Variants in AFAP1 observed in about 807,000 individuals in gnomAD.
The protein encoded by AFAP1 is actin filament associated protein 1.
Under a neutral mutation model 93.9 loss-of-function variants are expected in AFAP1, and 75 were observed. The observed-to-expected ratio is 0.80, with a 90% CI of 0.66 to 0.97. The LOEUF is 0.97. AFAP1 is among the 50% of genes least tolerant of loss of function. The pLI is 0.00. For synonymous variants in AFAP1, 517 were observed against 430.7 expected, an observed-to-expected ratio of 1.20 and a Z score of -2.48; for missense variants, 1,201 against 1,050.8, an observed-to-expected ratio of 1.14 and a Z score of -1.98.
chr4:7,939,498 C>T lies in AFAP1; in HGVS notation c.-3+158G>A. ...GGGACCCCCGCGCGGGCCCACGCGG[C>T]GTCGCAGCAGGCGCGGAGCCCCCGG... On this transcript the variant is annotated intron_variant, in intron 1 of 17. Coordinates refer to ENST00000420658, the MANE Select transcript of AFAP1 (RefSeq NM_001134647.2). The surrounding 1 kb of genome is among the most constrained non-coding windows in gnomAD (Gnocchi z 5.6). 2 of 319,408 alleles carry T rather than the reference C, an allele frequency of 6.3e-6. No homozygotes were observed. Among genetic ancestry groups the T allele is most frequent in the South Asian group, 2.3e-5 (1 of 43,848 alleles). The allele number at this position is 319,408 out of a possible 1,614,324, so 19.8% of individuals were successfully genotyped here.
rs1299186811 is a variant in AFAP1, at chr4:7,761,005, G to A, written c.*2760C>T. 3 of 152,248 alleles carry A rather than the reference G, an allele frequency of 2.0e-5. No individual in the cohort carries two copies. The highest frequency in any genetic ancestry group is 4.8e-5 in the African/African-American group (2 of 41,468). The allele number at this position is 152,248 out of a possible 1,614,324, so 9.4% of individuals were successfully genotyped here. On this transcript the variant is annotated 3_prime_UTR_variant, in exon 18 of 18. Coordinates refer to ENST00000420658, the MANE Select transcript of AFAP1 (RefSeq NM_001134647.2). ...GGCCTCTTGCCCTCAGCCTGGCTTCGTTATGAAATCAGACACACTCGCAGC... is the reference window on the plus strand; with the variant it reads ...GGCCTCTTGCCCTCAGCCTGGCTTCATTATGAAATCAGACACACTCGCAGC...
chr4:7,843,430 T>C, intron 4 of AFAP1, 80 bp from the exon 5 acceptor site: 2 of 1,298,170 alleles, frequency 1.5e-6, no homozygotes, highest in Non-Finnish European at 2.1e-6. Flanking sequence ...CACGTCCTCT[T>C]ATTTTTAATC....
At chr4:7,764,704 G>C (rs554018954) in intron 17 of AFAP1, among the ~76,000 whole-genome samples, 1 of 152,376 alleles carries the variant, frequency 6.6e-6, no homozygotes, top group African/African-American at 2.4e-5. Flanking sequence ...CCAGCACTGT[G>C]AAAGCAGGGA....
intron 6 of AFAP1, among the ~76,000 whole-genome samples, chr4:7,834,195 A>G (rs139328017): frequency 0.025 from 3,840 of 152,186 alleles, 153 homozygotes; most frequent in African/African-American, 0.078. Flanking sequence ...AGCAACCTGG[A>G]TGAGATTGGA....
intron 4 of AFAP1, among the ~76,000 whole-genome samples, chr4:7,845,246 G>A (rs369211021): frequency 6.6e-6 from 1 of 151,814 alleles, no homozygotes; most frequent in African/African-American, 2.4e-5. Flanking sequence ...AACATAGCGA[G>A]ACCCTATCTC....
intron 6 of AFAP1, among the ~76,000 whole-genome samples, chr4:7,837,521 C>T (rs1198813565): frequency 6.6e-6 from 1 of 152,178 alleles, no homozygotes; most frequent in African/African-American, 2.4e-5. Flanking sequence ...GACTCCAGAA[C>T]CGTGAGAAAT....
chr4:7,831,120 A>C (rs1444017475), intron 6 of AFAP1, among the ~76,000 whole-genome samples: 2 of 152,140 alleles, frequency 1.3e-5, no homozygotes, highest in Non-Finnish European at 2.9e-5. Context: ...TTACATCTCT[A>C]AGTGTTTCTG....
At chr4:7,895,576 A>T (rs1718716843) in intron 1 of AFAP1, among the ~76,000 whole-genome samples, 1 of 152,170 alleles carries the variant, frequency 6.6e-6, no homozygotes, top group Non-Finnish European at 1.5e-5. Flanking sequence ...GTTTCATGCA[A>T]TGCCAATCAA....
In AFAP1 at chr4:7,879,538, G is replaced by A. The variant is rs116368160; in HGVS notation, c.-2-7458C>T. 9.2e-5 allele frequency among the ~76,000 whole-genome samples: 14 copies of A among 152,090 alleles called. No homozygotes were observed. The East Asian group carries it at 1.7e-3, about 19-fold the overall frequency. On this transcript the variant is annotated intron_variant, in intron 1 of 17. Coordinates refer to ENST00000420658, the MANE Select transcript of AFAP1 (RefSeq NM_001134647.2). ...GAAGAAAAAATCTTCCCCAAACACC[G>A]ACACCAAACAAAAGATCTGACCACG...
At chr4:7,861,669 C>A (rs894804306) in intron 3 of AFAP1, among the ~76,000 whole-genome samples, 1 of 152,238 alleles carries the variant, frequency 6.6e-6, no homozygotes, top group Non-Finnish European at 1.5e-5. Flanking sequence ...GAAGGCGAGG[C>A]AGCCCACCAG....
chr4:7,798,879 C>T, intron 10 of AFAP1: 1 of 990,544 alleles, frequency 1.0e-6, no homozygotes, highest in African/African-American at 1.7e-5. Context: ...CAGCATCTCC[C>T]TCTTCATTCC....
In AFAP1 at chr4:7,939,477, C is replaced by G; in HGVS notation, c.-3+179G>C. The G allele has an allele frequency of 3.3e-6, 1 of 301,176 alleles. No individual in the cohort carries two copies. Among genetic ancestry groups the G allele is most frequent in the Non-Finnish European group, 6.3e-6 (1 of 158,080 alleles). 18.7% of individuals were successfully genotyped at this position (301,176 alleles called of 1,614,324 possible). A position where few individuals can be genotyped will look rare whatever the true frequency, so the allele number is the denominator to read the frequency against. ...GCCCCCACCCGCAGGACGACCGGGACCCCCGCGCGGGCCCACGCGGCGTCG... is the reference window on the plus strand; with the variant it reads ...GCCCCCACCCGCAGGACGACCGGGAGCCCCGCGCGGGCCCACGCGGCGTCG... On this transcript the variant is annotated intron_variant, in intron 1 of 17. Transcript: ENST00000420658. This position sits in a 1 kb window ranked among gnomAD's most constrained non-coding sequence, Gnocchi z 5.6.
intron 8 of AFAP1, among the ~76,000 whole-genome samples, chr4:7,815,656 C>A (rs1720405803): frequency 6.6e-6 from 1 of 152,118 alleles, no homozygotes; most frequent in Non-Finnish European, 1.5e-5. Flanking sequence ...TTTCACTGGA[C>A]ACCAGGTCCC....
intron 1 of AFAP1, among the ~76,000 whole-genome samples, chr4:7,897,065 C>G (rs62290560): frequency 0.1 from 15,581 of 151,986 alleles, 979 homozygotes; most frequent in East Asian, 0.25. Flanking sequence ...CTATCCACTC[C>G]CAAGGTGATT....
At chr4:7,820,687 G>A (rs1448831508) in intron 6 of AFAP1, among the ~76,000 whole-genome samples, 1 of 152,160 alleles carries the variant, frequency 6.6e-6, no homozygotes. Context: ...GCAAAGGAAG[G>A]CGTTTCCAAA....
intron 2 of AFAP1, among the ~76,000 whole-genome samples, chr4:7,869,481 T>A (rs752613580): frequency 6.6e-6 from 1 of 152,222 alleles, no homozygotes; most frequent in African/African-American, 2.4e-5. Flanking sequence ...ATAGACATAC[T>A]GTATGGAAGA....
At chr4:7,765,286 G>A (rs977484107) in intron 17 of AFAP1, among the ~76,000 whole-genome samples, 2 of 152,132 alleles carry the variant, frequency 1.3e-5, no homozygotes, top group Non-Finnish European at 2.9e-5. Context: ...ACACACCCAT[G>A]CCTGTTCTCC....
chr4:7,928,218 C>T (rs1040434014), intron 1 of AFAP1, among the ~76,000 whole-genome samples: 2 of 152,186 alleles, frequency 1.3e-5, no homozygotes. Context: ...CTCTATTTTA[C>T]ACAACTCAAT....
chr4:7,761,200 A>AAATG lies in AFAP1; in HGVS notation c.*2561_*2564dup, dbSNP rs770725943. The AAATG allele has an allele frequency of 2.0e-5, 3 of 152,274 alleles. No individual in the cohort carries two copies. Among genetic ancestry groups the AAATG allele is most frequent in the Non-Finnish European group, 2.9e-5 (2 of 68,048 alleles). The allele number at this position is 152,274 out of a possible 1,614,324, so 9.4% of individuals were successfully genotyped here. On this transcript the variant is annotated 3_prime_UTR_variant, in exon 18 of 18. Coordinates refer to ENST00000420658, the MANE Select transcript of AFAP1 (RefSeq NM_001134647.2). Reference sequence around the variant, plus strand: ...ACACATAAATAACTTATTCTGAAGTAAATGCTTTAAACTTTGATGGAATGT... The same window carrying AAATG: ...ACACATAAATAACTTATTCTGAAGTAAATGAATGCTTTAAACTTTGATGGAATGT...
Sources: gnomAD v4.1 joint callset for allele counts (sites outside exome capture counted in the v4.1 genomes callset) on GRCh38, gnomAD v4.1.1 for gene constraint, Gnocchi (gnomAD v3.1) non-coding constraint, MANE v1.5 for transcripts, NCBI Gene and HGNC (gene_info 2026-07-23, HGNC 2026-07-21) for gene names.